Variants in DLGAP2 observed in about 807,000 individuals in gnomAD.
DLGAP2 encodes disks large-associated protein 2.
A neutral mutation model predicts 100.3 loss-of-function variants in DLGAP2; 26 were observed. The observed-to-expected ratio is 0.26, with a 90% CI of 0.19 to 0.36. The LOEUF (loss-of-function observed/expected upper bound fraction) is 0.36. Among genes scored for constraint, DLGAP2 ranks in the 10% least tolerant of loss-of-function variants. The probability of loss-of-function intolerance (pLI) is 1.00; values close to 1 mark genes in which losing one functional copy is unlikely to be tolerated. For synonymous variants in DLGAP2, 886 were observed against 630.1 expected, an observed-to-expected ratio of 1.41 and a Z score of -6.08; for missense variants, 1,858 against 1,453.2, an observed-to-expected ratio of 1.28 and a Z score of -4.53.
At chr8:1,432,853 T>G (rs986906887) in intron 3 of DLGAP2, among the ~76,000 whole-genome samples, 2 of 152,164 alleles carry the variant, frequency 1.3e-5, no homozygotes, top group Non-Finnish European at 2.9e-5. Context: ...CCCCGGTGAC[T>G]TGGGTCCTGA....
At chr8:1,287,158 G>GTGTGTGCGCA (rs71190715) in intron 3 of DLGAP2, among the ~76,000 whole-genome samples, 10 of 75,046 alleles carry the variant, frequency 1.3e-4, no homozygotes, top group South Asian at 6.1e-4. Flanking sequence ...GTGTGTGTGT[G>GTGTGTGCGCA]CGCGCGCGCG....
chr8:808,569 G>T (rs552128840), intron 1 of DLGAP2, among the ~76,000 whole-genome samples: 2 of 152,200 alleles, frequency 1.3e-5, no homozygotes, highest in African/African-American at 4.8e-5. Flanking sequence ...GGTGCCTCTA[G>T]TGAGGCTGGA....
Position 1,305,614 on chromosome 8 carries a change from C to G in DLGAP2, c.106+46731C>G, listed in dbSNP as rs375572000. Among the ~76,000 whole-genome samples, 57 of 152,254 alleles carry G rather than the reference C, an allele frequency of 3.7e-4. No individual in the cohort carries two copies. In the South Asian group the frequency reaches 0.011, roughly 30 times the overall value. On this transcript the variant is annotated intron_variant, in intron 3 of 14. Coordinates refer to ENST00000637795, the MANE Select transcript of DLGAP2 (RefSeq NM_001346810.2). ...GGACATTGCTTGAAACACTGCAGTC[C>G]TCCGGCAACCTGCCAGGATAAAAAT...
intron 2 of DLGAP2, among the ~76,000 whole-genome samples, chr8:944,385 A>G (rs779051143): frequency 1.3e-5 from 2 of 150,930 alleles, no homozygotes; most frequent in African/African-American, 2.4e-5. Flanking sequence ...GTGGTAACCA[A>G]TCCCTGTGGG....
At chr8:1,194,889 C>T (rs12549589) in intron 2 of DLGAP2, among the ~76,000 whole-genome samples, 42,772 of 152,146 alleles carry the variant, frequency 0.28, 6,811 homozygotes, top group African/African-American at 0.43. Context: ...GTGCTTGGTG[C>T]TCACGCTTTG....
chr8:1,627,252 C>G (rs1161371323), intron 7 of DLGAP2, among the ~76,000 whole-genome samples: 1 of 152,216 alleles, frequency 6.6e-6, no homozygotes, highest in African/African-American at 2.4e-5. Context: ...TGGCTCTCAG[C>G]TCTGTCCTCT....
intron 7 of DLGAP2, among the ~76,000 whole-genome samples, chr8:1,630,722 C>T (rs1797620588): frequency 6.6e-6 from 1 of 151,982 alleles, no homozygotes; most frequent in African/African-American, 2.4e-5. Flanking sequence ...AAAAAGTTTG[C>T]CCTTCATGTT....
chr8:823,393 C>A (rs139374702), intron 1 of DLGAP2, among the ~76,000 whole-genome samples: 1 of 152,106 alleles, frequency 6.6e-6, no homozygotes, highest in East Asian at 1.9e-4. Flanking sequence ...CGCTTGTCAA[C>A]TCTCCATTGA....
At chr8:1,346,612 G>A (rs1434551127) in intron 3 of DLGAP2, among the ~76,000 whole-genome samples, 2 of 151,832 alleles carry the variant, frequency 1.3e-5, no homozygotes, top group Non-Finnish European at 2.9e-5. Flanking sequence ...GTAGCTGTGT[G>A]GAGGTTGAGT....
intron 5 of DLGAP2, among the ~76,000 whole-genome samples, chr8:1,554,918 G>C (rs1801907186): frequency 6.6e-6 from 1 of 152,150 alleles, no homozygotes; most frequent in African/African-American, 2.4e-5. Flanking sequence ...TAGTTTTAGG[G>C]GCAAAAGAGG....
chr8:1,483,653 G>A (rs918391517), intron 3 of DLGAP2, among the ~76,000 whole-genome samples: 29 of 150,240 alleles, frequency 1.9e-4, no homozygotes, highest in African/African-American at 7.5e-5. Context: ...ACCTGAGGGC[G>A]TCTACACAGA....
At chr8:916,124 G>A (rs1021125776) in intron 2 of DLGAP2, among the ~76,000 whole-genome samples, 3 of 152,166 alleles carry the variant, frequency 2.0e-5, no homozygotes, top group Admixed American at 2.0e-4. Context: ...TTAACCATGA[G>A]TCCTCCTCAC....
chr8:863,792 C>T (rs1440685176), intron 1 of DLGAP2, among the ~76,000 whole-genome samples: 2 of 152,150 alleles, frequency 1.3e-5, no homozygotes, highest in African/African-American at 4.8e-5. Flanking sequence ...TAAATTAGTA[C>T]AGCCGCTATG....
chr8:924,214 T>C lies in DLGAP2; in HGVS notation c.73+16248T>C, dbSNP rs368134614. Among the ~76,000 whole-genome samples, 11 of 152,316 alleles carry C rather than the reference T, an allele frequency of 7.2e-5. 1 individual carries two copies. Among genetic ancestry groups the C allele is most frequent in the Admixed American group, 1.3e-4 (2 of 15,306 alleles). On this transcript the variant is annotated intron_variant, in intron 2 of 14. Coordinates refer to ENST00000637795, the MANE Select transcript of DLGAP2 (RefSeq NM_001346810.2). ...CTCACAGCCACTGCTGATTATGTCTTGAAGGAGGTGACGTTAATTCAGTCA... is the reference window on the plus strand; with the variant it reads ...CTCACAGCCACTGCTGATTATGTCTCGAAGGAGGTGACGTTAATTCAGTCA...
chr8:1,447,980 CT>C (rs1482369563), intron 3 of DLGAP2, among the ~76,000 whole-genome samples: 2 of 151,918 alleles, frequency 1.3e-5, no homozygotes, highest in African/African-American at 4.8e-5. Context: ...TCTCTCTTTT[CT>C]TCTTTATTAG....
chr8:1,699,582 G>C (rs1007258445), intron 14 of DLGAP2, among the ~76,000 whole-genome samples: 8 of 151,974 alleles, frequency 5.3e-5, no homozygotes, highest in African/African-American at 1.5e-4. Context: ...CCACTGCACT[G>C]CAGCCTAGGC....
chr8:1,352,249 G>T (rs540425945), intron 3 of DLGAP2, among the ~76,000 whole-genome samples: 2 of 124,028 alleles, frequency 1.6e-5, no homozygotes, highest in Non-Finnish European at 3.4e-5. Flanking sequence ...TGGAAAGGCC[G>T]TGTGGGTCCT....
chr8:1,454,725 G>A (rs973399261), intron 3 of DLGAP2, among the ~76,000 whole-genome samples: 2 of 152,126 alleles, frequency 1.3e-5, no homozygotes, highest in Non-Finnish European at 2.9e-5. Context: ...TATCTGTTTT[G>A]TGGTTCAAGG....
Position 748,894 on chromosome 8 carries a change from T to A in DLGAP2, c.18+11069T>A, listed in dbSNP as rs1440987163. 3.3e-5 allele frequency among the ~76,000 whole-genome samples: 5 copies of A among 152,266 alleles called. No individual in the cohort carries two copies. The East Asian group carries it at 9.6e-4, about 29-fold the overall frequency. On this transcript the variant is annotated intron_variant, in intron 1 of 14. Transcript: ENST00000637795. ...GATCTTTGCTTTCTGACAACTTTTA[T>A]TATATTTGTTACATCTCTTGAGATT...
Sources: gnomAD v4.1 joint callset for allele counts (sites outside exome capture counted in the v4.1 genomes callset) on GRCh38, gnomAD v4.1.1 for gene constraint, MANE v1.5 for transcripts, NCBI Gene and HGNC (gene_info 2026-07-23, HGNC 2026-07-21) for gene names.